Variants in PELI2 observed in about 807,000 individuals in gnomAD.
PELI2 encodes the protein pellino E3 ubiquitin protein ligase family member 2, also known as E3 ubiquitin-protein ligase pellino homolog 2.
Under a neutral mutation model 42.3 loss-of-function variants are expected in PELI2, and 23 were observed. The observed-to-expected ratio is 0.54, with a 90% confidence interval of 0.39 to 0.77. The LOEUF is 0.77. Ranked by LOEUF, PELI2 falls within the 30% of genes least tolerant of loss-of-function variation. PELI2 has a pLI of 0.00. For synonymous variants in PELI2, 245 were observed against 212.2 expected (o/e 1.15, Z -1.34); for missense variants, 463 against 553.2 (o/e 0.84, Z 1.64).
In PELI2 at chr14:56,300,798, C is replaced by T. The variant is rs182753451; in HGVS notation, c.*3632C>T. The T allele has an allele frequency of 1.3e-5, 2 of 152,258 alleles. No homozygotes were observed. Among genetic ancestry groups the T allele is most frequent in the Non-Finnish European group, 2.9e-5 (2 of 68,022 alleles). The allele number at this position is 152,258 out of a possible 1,614,324, so 9.4% of individuals were successfully genotyped here. ...CAATCTTCTGTCCCAGTAGTTTAGCCTTTGTGGCTTAGGTTATGATGCGCC... is the reference window on the plus strand; with the variant it reads ...CAATCTTCTGTCCCAGTAGTTTAGCTTTTGTGGCTTAGGTTATGATGCGCC... On this transcript the variant is annotated 3_prime_UTR_variant, in exon 6 of 6. Transcript: ENST00000267460.
At chr14:56,122,547 T>A (rs760418188) in intron 1 of PELI2, among the ~76,000 whole-genome samples, 5 of 152,174 alleles carry the variant, frequency 3.3e-5, no homozygotes, top group Non-Finnish European at 5.9e-5. Context: ...TATTGCTTAC[T>A]CTCTTAGTTC....
At chr14:56,149,933 A>G (rs560986431) in intron 1 of PELI2, among the ~76,000 whole-genome samples, 1 of 152,286 alleles carries the variant, frequency 6.6e-6, no homozygotes, top group South Asian at 2.1e-4. Context: ...CGGAGATTTA[A>G]CAGGTCTTGC....
At chr14:56,143,502 A>C (rs1191863071) in intron 1 of PELI2, among the ~76,000 whole-genome samples, 1 of 152,168 alleles carries the variant, frequency 6.6e-6, no homozygotes, top group Non-Finnish European at 1.5e-5. Flanking sequence ...CTTGCCTGCA[A>C]GTTATTTCTG....
chr14:56,126,154 C>A (rs1355164218), intron 1 of PELI2, among the ~76,000 whole-genome samples: 12 of 152,178 alleles, frequency 7.9e-5, no homozygotes, highest in Admixed American at 7.8e-4. Flanking sequence ...GAAAGTCCTG[C>A]CTTGAAGGGA....
intron 2 of PELI2, among the ~76,000 whole-genome samples, chr14:56,251,792 G>A (rs1355803853): frequency 1.3e-5 from 2 of 152,204 alleles, no homozygotes; most frequent in Non-Finnish European, 1.5e-5. Context: ...ATTATTTAAA[G>A]CTAGCATAGC....
chr14:56,190,919 T>G (rs1885930797), intron 2 of PELI2, among the ~76,000 whole-genome samples: 1 of 152,212 alleles, frequency 6.6e-6, no homozygotes, highest in South Asian at 2.1e-4. Flanking sequence ...GTTGCATAAG[T>G]AAAAATGTGT....
chr14:56,288,307 T>C lies in PELI2; in HGVS notation c.310-130T>C. Reference sequence around the variant, plus strand: ...GGAAAAGGAGCACGAATGAAAATCTTGCATTAAATTCTAACCCTCAGAACA... The same window carrying C: ...GGAAAAGGAGCACGAATGAAAATCTCGCATTAAATTCTAACCCTCAGAACA... On this transcript the variant is annotated intron_variant, in intron 3 of 5. Transcript: ENST00000267460. This position sits in a 1 kb window ranked among gnomAD's most constrained non-coding sequence, Gnocchi z 4.6. 1.5e-6 allele frequency: 1 copy of C among 682,382 alleles called. No individual in the cohort carries two copies. Among genetic ancestry groups the C allele is most frequent in the Non-Finnish European group, 2.5e-6 (1 of 393,704 alleles). The allele number at this position is 682,382 out of a possible 1,614,324, so 42.3% of individuals were successfully genotyped here.
chr14:56,228,258 A>G (rs952314088), intron 2 of PELI2, among the ~76,000 whole-genome samples: 21 of 152,174 alleles, frequency 1.4e-4, no homozygotes, highest in Admixed American at 6.5e-4. Context: ...ATACTGATCT[A>G]TCTTGCTGTG....
intron 2 of PELI2, among the ~76,000 whole-genome samples, chr14:56,262,960 A>C (rs529864296): frequency 2.6e-5 from 4 of 152,120 alleles, no homozygotes; most frequent in Non-Finnish European, 5.9e-5. Flanking sequence ...TTGTTTATAA[A>C]TTTTCTACAC....
intron 2 of PELI2, among the ~76,000 whole-genome samples, chr14:56,268,070 C>G (rs979912731): frequency 2.6e-5 from 4 of 152,198 alleles, no homozygotes; most frequent in Non-Finnish European, 5.9e-5. Context: ...GCATTTACTA[C>G]TGACTCACTA....
intron 2 of PELI2, among the ~76,000 whole-genome samples, chr14:56,200,443 A>G (rs1886293767): frequency 6.6e-6 from 1 of 152,194 alleles, no homozygotes; most frequent in Admixed American, 6.5e-5. Context: ...TGGAGTGAAG[A>G]CACGCCTGGG....
intron 2 of PELI2, among the ~76,000 whole-genome samples, chr14:56,181,054 T>C (rs563663233): frequency 1.3e-5 from 2 of 152,332 alleles, no homozygotes; most frequent in African/African-American, 2.4e-5. Context: ...TGTAGTACTT[T>C]AACTCTTTCA....
intron 2 of PELI2, among the ~76,000 whole-genome samples, chr14:56,241,644 G>A (rs1394683874): frequency 6.6e-6 from 1 of 152,056 alleles, no homozygotes; most frequent in East Asian, 1.9e-4. Flanking sequence ...CTCACACCAG[G>A]GCACTTTATT....
At chr14:56,234,339 C>A (rs547091179) in intron 2 of PELI2, among the ~76,000 whole-genome samples, 1 of 152,282 alleles carries the variant, frequency 6.6e-6, no homozygotes, top group Admixed American at 6.5e-5. Flanking sequence ...TAGCAAAGAC[C>A]TGGAACCAGC....
intron 1 of PELI2, among the ~76,000 whole-genome samples, chr14:56,174,736 G>T (rs146678243): frequency 1.2e-4 from 18 of 152,186 alleles, no homozygotes; most frequent in Non-Finnish European, 2.5e-4. Context: ...AGGCTTCCCA[G>T]TCGAGCTTCT....
chr14:56,225,444 T>A (rs1339737941), intron 2 of PELI2, among the ~76,000 whole-genome samples: 4 of 151,988 alleles, frequency 2.6e-5, no homozygotes, highest in Non-Finnish European at 5.9e-5. Context: ...TAGAGGGAGT[T>A]GGAATGAGGC....
chr14:56,120,282 T>C (rs1490808648), intron 1 of PELI2, among the ~76,000 whole-genome samples: 1 of 152,240 alleles, frequency 6.6e-6, no homozygotes, highest in Non-Finnish European at 1.5e-5. Context: ...GGCTTCAGTG[T>C]GTTTAACACT....
Position 56,254,739 on chromosome 14 carries a change from C to A in PELI2, c.208-24937C>A, listed in dbSNP as rs144855939. ...TGGGAGAAAATTTTTGCAATCTTTC[C>A]CGTCTGACAAAGGGCTAATATCCAG... On this transcript the variant is annotated intron_variant, in intron 2 of 5. Coordinates refer to ENST00000267460, the MANE Select transcript of PELI2 (RefSeq NM_021255.3). Among the ~76,000 whole-genome samples, 207 of 152,170 alleles carry A rather than the reference C, an allele frequency of 1.4e-3. 1 individual carries two copies. Among genetic ancestry groups the A allele is most frequent in the African/African-American group, 4.8e-3 (198 of 41,494 alleles).
chr14:56,144,447 C>T (rs558176064), intron 1 of PELI2, among the ~76,000 whole-genome samples: 129 of 152,262 alleles, frequency 8.5e-4, no homozygotes, highest in African/African-American at 3.0e-3. Context: ...GCCTTTTCAT[C>T]TGATTCAGTT....
Sources: gnomAD v4.1 joint callset for allele counts (sites outside exome capture counted in the v4.1 genomes callset) on GRCh38, gnomAD v4.1.1 for gene constraint, Gnocchi (gnomAD v3.1) non-coding constraint, MANE v1.5 for transcripts, NCBI Gene and HGNC (gene_info 2026-07-23, HGNC 2026-07-21) for gene names.